Variants in LRRIQ3 observed in about 807,000 individuals in gnomAD.
The protein encoded by LRRIQ3 is leucine-rich repeat and IQ domain-containing protein 3.
In LRRIQ3, 75 loss-of-function variants were observed where a neutral mutation model predicts 59.3. That is an observed-to-expected ratio of 1.26 (90% CI 1.05 to 1.53). LRRIQ3 has a LOEUF of 1.53. Among genes scored for constraint, LRRIQ3 ranks in the 40% most tolerant of loss-of-function variants. LRRIQ3 has a pLI of 0.00. For synonymous variants in LRRIQ3, 250 were observed against 231.3 expected (o/e 1.08, Z -0.73); for missense variants, 831 against 710.0 (o/e 1.17, Z -1.94).
chr1:74,098,338 CA>C (rs1646477997), intron 5 of LRRIQ3, among the ~76,000 whole-genome samples: 1 of 152,106 alleles, frequency 6.6e-6, no homozygotes, highest in African/African-American at 2.4e-5. Flanking sequence ...GGGATCAATT[CA>C]ACAAGAAGAG....
At chr1:74,133,394 T>C (rs1394890565) in intron 4 of LRRIQ3, among the ~76,000 whole-genome samples, 2 of 152,054 alleles carry the variant, frequency 1.3e-5, no homozygotes, top group Non-Finnish European at 2.9e-5. Context: ...ATCATGCTGC[T>C]ATAAAGACAC....
chr1:74,100,627 C>A (rs368047115), intron 5 of LRRIQ3, among the ~76,000 whole-genome samples: 1 of 151,868 alleles, frequency 6.6e-6, no homozygotes, highest in Non-Finnish European at 1.5e-5. Context: ...AGAACAAAGC[C>A]GGAGGCATCA....
intron 5 of LRRIQ3, chr1:74,082,174 T>G (rs1570084400): frequency 6.6e-6 from 1 of 151,724 alleles, no homozygotes; most frequent in Non-Finnish European, 1.5e-5. Context: ...ATTTCATAAT[T>G]TACTGATTAT....
At chr1:74,197,954 G>C in intron 1 of LRRIQ3, 42 bp downstream of exon 1, 1 of 405,124 alleles carries the variant, frequency 2.5e-6, no homozygotes, top group Non-Finnish European at 4.4e-6. Context: ...ATCCTTAGCG[G>C]GTCGGTTCTA....
chr1:74,142,158 A>T lies in LRRIQ3; in HGVS notation c.707+13575T>A, dbSNP rs557477914. Among the ~76,000 whole-genome samples, 8 of 152,000 alleles carry T rather than the reference A, an allele frequency of 5.3e-5. No homozygotes were observed. The South Asian group carries it at 1.2e-3, about 24-fold the overall frequency. ...GGTGATTTCATTTCCTTTGAATTCG[A>T]AAGACTGGGGTTGAATTGTTGCATC... On this transcript the variant is annotated intron_variant, in intron 4 of 7. Coordinates refer to ENST00000354431, the MANE Select transcript of LRRIQ3 (RefSeq NM_001105659.2).
intron 1 of LRRIQ3, among the ~76,000 whole-genome samples, chr1:74,188,207 A>G (rs1386704422): frequency 6.6e-6 from 1 of 152,176 alleles, no homozygotes; most frequent in East Asian, 1.9e-4. Flanking sequence ...TATATGTGGA[A>G]GCTAAATTAT....
intron 6 of LRRIQ3, among the ~76,000 whole-genome samples, chr1:74,054,584 CTATAT>C (rs886309114): frequency 2.6e-5 from 4 of 151,818 alleles, no homozygotes; most frequent in Non-Finnish European, 4.4e-5. Context: ...AATTGTACCA[CTATAT>C]TATATGTGGT....
At chr1:74,061,367 T>G (rs1654716783) in intron 6 of LRRIQ3, among the ~76,000 whole-genome samples, 1 of 152,180 alleles carries the variant, frequency 6.6e-6, no homozygotes, top group African/African-American at 2.4e-5. Context: ...ATGGTCATAT[T>G]GGCCAAAGTA....
intron 6 of LRRIQ3, among the ~76,000 whole-genome samples, chr1:74,066,724 T>C (rs1206452864): frequency 6.6e-6 from 1 of 152,142 alleles, no homozygotes; most frequent in Non-Finnish European, 1.5e-5. Context: ...CCATGGTTAG[T>C]ATATTACTCA....
chr1:74,164,358 A>G (rs1648842550), intron 3 of LRRIQ3, among the ~76,000 whole-genome samples: 1 of 151,482 alleles, frequency 6.6e-6, no homozygotes, highest in Admixed American at 6.6e-5. Context: ...TGTTCTTTTA[A>G]GAAATTTGGA....
chr1:74,138,591 A>T, intron 4 of LRRIQ3: 1 of 556,404 alleles, frequency 1.8e-6, no homozygotes, highest in South Asian at 7.6e-5. Flanking sequence ...TTAAACAAAA[A>T]TCCTCTCTTA....
At chr1:74,047,545 A>G in intron 6 of LRRIQ3, among the ~76,000 whole-genome samples, 1 of 152,084 alleles carries the variant, frequency 6.6e-6, no homozygotes, top group African/African-American at 2.4e-5. Context: ...TACCTATGGA[A>G]CAAACCTGCA....
chr1:74,027,442 C>T (rs1653550350), intron 7 of LRRIQ3, among the ~76,000 whole-genome samples: 1 of 151,956 alleles, frequency 6.6e-6, no homozygotes, highest in Non-Finnish European at 1.5e-5. Flanking sequence ...AATTTGTGTA[C>T]TTATAAGAAG....
chr1:74,112,608 T>C (rs1032627327), intron 4 of LRRIQ3, among the ~76,000 whole-genome samples: 1 of 152,044 alleles, frequency 6.6e-6, no homozygotes, highest in Non-Finnish European at 1.5e-5. Context: ...TGACACTGGG[T>C]TTGATACTAA....
At chr1:74,150,131 T>TCCAATC (rs1252274993) in intron 4 of LRRIQ3, among the ~76,000 whole-genome samples, 1 of 152,150 alleles carries the variant, frequency 6.6e-6, no homozygotes, top group East Asian at 1.9e-4. Flanking sequence ...CAGCATAAAA[T>TCCAATC]CAGATGTAAA....
intron 7 of LRRIQ3, among the ~76,000 whole-genome samples, chr1:74,033,188 G>A (rs951052911): frequency 6.6e-6 from 1 of 151,924 alleles, no homozygotes; most frequent in Non-Finnish European, 1.5e-5. Context: ...ATAAATCTGT[G>A]GGGCATTGAT....
intron 1 of LRRIQ3, among the ~76,000 whole-genome samples, chr1:74,188,205 G>A (rs1035003052): frequency 1.3e-5 from 2 of 152,082 alleles, no homozygotes; most frequent in Admixed American, 6.6e-5. Flanking sequence ...CTTATATGTG[G>A]AAGCTAAATT....
rs564463819 is a variant in LRRIQ3 at position 74,030,498 on chromosome 1, C to T, written c.1719-3529G>A. 2.5e-3 allele frequency among the ~76,000 whole-genome samples: 387 copies of T among 152,176 alleles called. 2 individuals carry two copies. The highest frequency in any genetic ancestry group is 8.9e-3 in the African/African-American group (370 of 41,530). On this transcript the variant is annotated intron_variant, in intron 7 of 7. Coordinates refer to ENST00000354431, the MANE Select transcript of LRRIQ3 (RefSeq NM_001105659.2). ...TGATCCTTGACAAACCTGACAAAAA[C>T]AATAAATGGGGAAAAGATTCCCTAT...
intron 4 of LRRIQ3, among the ~76,000 whole-genome samples, chr1:74,144,782 G>A (rs372038796): frequency 3.3e-4 from 50 of 150,884 alleles, no homozygotes; most frequent in East Asian, 2.1e-3. Context: ...TTTTTCCTGC[G>A]GACTATAGTT....
Sources: gnomAD v4.1 joint callset for allele counts (sites outside exome capture counted in the v4.1 genomes callset) on GRCh38, gnomAD v4.1.1 for gene constraint, MANE v1.5 for transcripts, NCBI Gene and HGNC (gene_info 2026-07-23, HGNC 2026-07-21) for gene names.